The following GARNL3 variants were observed in gnomAD, a reference collection of about 807,000 sequenced individuals.
The protein encoded by GARNL3 is GTPase activating Rap/RanGAP domain like 3, also known as GTPase-activating Rap/Ran-GAP domain-like protein 3.
Under a neutral mutation model 125.0 loss-of-function variants are expected in GARNL3, and 63 were observed. The observed-to-expected ratio is 0.50, with a 90% CI of 0.41 to 0.62. The LOEUF (loss-of-function observed/expected upper bound fraction) is 0.62, where lower values mean the gene tolerates loss of function less well. GARNL3 is among the 20% of genes least tolerant of loss of function. GARNL3 has a pLI of 0.00. For missense variants in GARNL3, 994 were observed against 1,244.0 expected (o/e 0.80, Z 3.02); for synonymous variants, 439 against 457.5 (o/e 0.96, Z 0.52).
Position 127,326,762 on chromosome 9 carries a change from G to T in GARNL3, c.594+1667G>T, listed in dbSNP as rs903866890. Among the ~76,000 whole-genome samples, 19 of 152,066 alleles carry T rather than the reference G, an allele frequency of 1.2e-4. 1 individual carries two copies. The highest frequency in any genetic ancestry group is 2.1e-4 in the Non-Finnish European group (14 of 68,010). ...CCTTGGGAAGTAATTAGGTCATGAG[G>T]GGGGAGCCCTTGTGAATGGGATTAG... On this transcript the variant is annotated intron_variant, in intron 7 of 27. Coordinates refer to ENST00000373387, the MANE Select transcript of GARNL3 (RefSeq NM_032293.5).
chr9:127,260,344 G>A (rs183242713), upstream of GARNL3, among the ~76,000 whole-genome samples: 4 of 152,350 alleles, frequency 2.6e-5, no homozygotes, highest in East Asian at 5.8e-4. Flanking sequence ...TCCCCTGGCT[G>A]TTGGTTAAAA....
intron 25 of GARNL3, among the ~76,000 whole-genome samples, chr9:127,388,138 ACCCTGTCT>A (rs1459702735): frequency 6.6e-6 from 1 of 151,690 alleles, no homozygotes; most frequent in Non-Finnish European, 1.5e-5. Context: ...AGAGTGAGAG[ACCCTGTCT>A]CTACAAAAAC....
chr9:127,332,356 G>A lies in GARNL3; in HGVS notation c.670+7G>A, dbSNP rs1267514441. 2.5e-6 allele frequency: 4 copies of A among 1,611,248 alleles called. No homozygotes were observed. The highest frequency in any genetic ancestry group is 3.4e-6 in the Non-Finnish European group (4 of 1,177,530). ...GATGAGATGTTCAGCAATGGTGAGT[G>A]ATCTCCTCCCGCTCTCTGCTGCCAG... On this transcript the variant is annotated splice_region_variant and intron_variant, in intron 8 of 27. Coordinates refer to ENST00000373387, the MANE Select transcript of GARNL3 (RefSeq NM_032293.5).
intron 12 of GARNL3, among the ~76,000 whole-genome samples, chr9:127,339,153 C>G (rs1829718479): frequency 6.6e-6 from 1 of 151,942 alleles, no homozygotes; most frequent in Non-Finnish European, 1.5e-5. Flanking sequence ...AAAAATTAGC[C>G]GGGCGTGGTG....
At chr9:127,241,142 C>T (rs1171269450) in intron 1 of GARNL3, among the ~76,000 whole-genome samples, 2 of 151,882 alleles carry the variant, frequency 1.3e-5, no homozygotes, top group East Asian at 1.9e-4. Context: ...GCTGTTCCTC[C>T]GCAGGGCTCT....
At chr9:127,379,532 G>T (rs951895898) in intron 22 of GARNL3, among the ~76,000 whole-genome samples, 2 of 152,190 alleles carry the variant, frequency 1.3e-5, no homozygotes, top group African/African-American at 4.8e-5. Flanking sequence ...AAGTTGGCAG[G>T]ATGTGATTTT....
At chr9:127,229,067 A>C (rs570483333) in intron 1 of GARNL3, among the ~76,000 whole-genome samples, 1 of 152,222 alleles carries the variant, frequency 6.6e-6, no homozygotes, top group South Asian at 2.1e-4. Context: ...CAAGTGATCC[A>C]CCCGTCTCGG....
chr9:127,341,933 C>CGGCG (rs1232905458), intron 13 of GARNL3, among the ~76,000 whole-genome samples: 6 of 151,972 alleles, frequency 3.9e-5, no homozygotes, highest in African/African-American at 1.5e-4. Flanking sequence ...AGGTAGCAGC[C>CGGCG]GGCGGATCAT....
At chr9:127,358,972 G>C (rs996530078) in intron 21 of GARNL3, among the ~76,000 whole-genome samples, 65 of 152,108 alleles carry the variant, frequency 4.3e-4, no homozygotes, top group African/African-American at 1.5e-3. Context: ...AATCTGGGGG[G>C]GTGTGGTACT....
intron 4 of GARNL3, among the ~76,000 whole-genome samples, chr9:127,314,345 A>C (rs2131479202): frequency 6.6e-6 from 1 of 152,256 alleles, no homozygotes; most frequent in African/African-American, 2.4e-5. Context: ...GCCTGGACTT[A>C]AGATTCCCGT....
chr9:127,360,958 A>G (rs956027590), intron 21 of GARNL3, among the ~76,000 whole-genome samples: 1 of 152,208 alleles, frequency 6.6e-6, no homozygotes, highest in Non-Finnish European at 1.5e-5. Flanking sequence ...TTTAACCACC[A>G]GCACTGACCT....
chr9:127,248,953 C>T (rs1564847615), intron 2 of GARNL3, among the ~76,000 whole-genome samples: 1 of 151,998 alleles, frequency 6.6e-6, no homozygotes, highest in Admixed American at 6.6e-5. Context: ...CACTAATTCC[C>T]AGCTAATTCC....
At chr9:127,227,841 G>A (rs1222498070) in intron 1 of GARNL3, among the ~76,000 whole-genome samples, 1 of 151,206 alleles carries the variant, frequency 6.6e-6, no homozygotes, top group Non-Finnish European at 1.5e-5. Flanking sequence ...GATCACTTGA[G>A]CCCAGGAGTT....
At chr9:127,229,560 A>C (rs1479296937) in intron 1 of GARNL3, among the ~76,000 whole-genome samples, 1 of 152,176 alleles carries the variant, frequency 6.6e-6, no homozygotes, top group African/African-American at 2.4e-5. Context: ...CAGTGGCATA[A>C]TCATAGCTCA....
Position 127,393,120 on chromosome 9 carries a change from G to C in GARNL3, c.2908G>C (p.Glu970Gln), listed in dbSNP as rs371069399. The C allele has an allele frequency of 1.2e-6, 2 of 1,607,976 alleles. No homozygotes were observed. The highest frequency in any genetic ancestry group is 2.7e-5 in the African/African-American group (2 of 74,904). ...CTCCTTGGAAAGTGCTTCTACTTCC[G>C]AAGCCAACCCTGAGGGGCACTCAGC... ...SGSLESASTS[E>Q]ANPEGHSASS... is the part of the protein sequence containing the mutation. Residue 970 changes from glutamate (E) to glutamine (Q), a missense_variant, in exon 28 of 28, where the codon GAA becomes CAA. Transcript: ENST00000373387.
At chr9:127,286,567 A>G (rs1249069326) in intron 1 of GARNL3, among the ~76,000 whole-genome samples, 1 of 152,028 alleles carries the variant, frequency 6.6e-6, no homozygotes, top group African/African-American at 2.4e-5. Context: ...CTTTACGGGC[A>G]TTTTCTTCTC....
chr9:127,311,593 T>A, intron 2 of GARNL3, 43 bp from the exon 3 acceptor site: 1 of 1,362,232 alleles, frequency 7.3e-7, no homozygotes, highest in Non-Finnish European at 1.0e-6. Context: ...CATGTTTACT[T>A]TCTGAATAAG....
chr9:127,225,517 T>A, intron 1 of GARNL3: 1 of 336,830 alleles, frequency 3.0e-6, no homozygotes, highest in Non-Finnish European at 4.2e-6. Flanking sequence ...GCGGAGGTTC[T>A]CAGGAGACCG....
intron 17 of GARNL3, chr9:127,353,489 T>G (rs531650932): frequency 1.4e-4 from 24 of 174,998 alleles, no homozygotes; most frequent in South Asian, 2.9e-4. Context: ...CTCTTTTTTT[T>G]TTTTTTTTAA....
Sources: allele counts gnomAD v4.1 joint callset (sites outside exome capture counted in the v4.1 genomes callset), GRCh38; gene constraint gnomAD v4.1.1; transcripts MANE v1.5; gene names NCBI Gene and HGNC (gene_info 2026-07-23, HGNC 2026-07-21).